Variants in ZNRF1 observed in about 807,000 individuals in gnomAD.
ZNRF1 encodes the protein E3 ubiquitin-protein ligase ZNRF1.
Under a neutral mutation model 18.4 loss-of-function variants are expected in ZNRF1, and 3 were observed. That is an observed-to-expected ratio of 0.16 (90% CI 0.07 to 0.42). The LOEUF is 0.42. ZNRF1 is among the 10% of genes least tolerant of loss of function. ZNRF1 has a pLI of 0.99. For missense variants in ZNRF1, 310 were observed against 329.8 expected, an observed-to-expected ratio of 0.94 and a Z score of 0.47; for synonymous variants, 157 against 144.2, an observed-to-expected ratio of 1.09 and a Z score of -0.64.
chr16:75,026,019 A>G (rs1256175521), intron 1 of ZNRF1, among the ~76,000 whole-genome samples: 3 of 152,156 alleles, frequency 2.0e-5, no homozygotes, highest in Non-Finnish European at 4.4e-5. Flanking sequence ...AGGCCTATAC[A>G]TCTGTCTGGG....
At chr16:75,052,038 C>T (rs1180769720) in intron 1 of ZNRF1, among the ~76,000 whole-genome samples, 1 of 152,184 alleles carries the variant, frequency 6.6e-6, no homozygotes, top group Non-Finnish European at 1.5e-5. Flanking sequence ...GAAATGTACA[C>T]ATTTTAAGTA....
In ZNRF1 at chr16:75,040,822, G is replaced by A. The variant is rs145509373; in HGVS notation, c.424+40727G>A. ...GGGGTTTCATCACGTTGGCCAGGCTGGTCTCGAACTCCTGACCTCAGGTGA... is the reference window on the plus strand; with the variant it reads ...GGGGTTTCATCACGTTGGCCAGGCTAGTCTCGAACTCCTGACCTCAGGTGA... On this transcript the variant is annotated intron_variant, in intron 1 of 4. Coordinates refer to ENST00000335325, the MANE Select transcript of ZNRF1 (RefSeq NM_032268.5). 1.3e-3 allele frequency among the ~76,000 whole-genome samples: 195 copies of A among 151,808 alleles called. 2 individuals are homozygous for A. Among genetic ancestry groups the A allele is most frequent in the Non-Finnish European group, 2.3e-3 (158 of 67,918 alleles).
chr16:75,077,065 A>G (rs2035947934), intron 1 of ZNRF1, among the ~76,000 whole-genome samples: 1 of 152,168 alleles, frequency 6.6e-6, no homozygotes, highest in African/African-American at 2.4e-5. Flanking sequence ...CATAATTTTC[A>G]GCAGAGCCAG....
intron 1 of ZNRF1, among the ~76,000 whole-genome samples, chr16:75,020,266 C>T (rs1242149547): frequency 6.6e-6 from 1 of 151,892 alleles, no homozygotes; most frequent in East Asian, 1.9e-4. Flanking sequence ...TTTCTTATCC[C>T]TTTTCTTTTT....
At chr16:75,058,316 C>T (rs2035694557) in intron 1 of ZNRF1, among the ~76,000 whole-genome samples, 1 of 151,930 alleles carries the variant, frequency 6.6e-6, no homozygotes, top group East Asian at 1.9e-4. Context: ...TGTGGCTGGT[C>T]CCTTGAGGTG....
rs376499317 is a variant in ZNRF1 at position 75,050,082 on chromosome 16, T to C, written c.425-43490T>C. 4.7e-4 allele frequency among the ~76,000 whole-genome samples: 71 copies of C among 152,336 alleles called. No homozygotes were observed. The South Asian group carries it at 0.011, about 24-fold the overall frequency. ...CAGTAATGCTATATAAATGGAATCA[T>C]AGGGCATGTAATCCTTGGGATTGGC... is the stretch of plus-strand genomic sequence containing the variant. On this transcript the variant is annotated intron_variant, in intron 1 of 4. Coordinates refer to ENST00000335325, the MANE Select transcript of ZNRF1 (RefSeq NM_032268.5).
intron 1 of ZNRF1, among the ~76,000 whole-genome samples, chr16:75,010,711 G>GTT (rs67210395): frequency 0.051 from 3,763 of 74,356 alleles, 274 homozygotes; most frequent in East Asian, 0.23. Context: ...GTTTTTTTTT[G>GTT]TTTTTTTGTT....
rs2036366454 is a variant in ZNRF1 at position 75,110,228 on chromosome 16, G to A, written c.*2528G>A. The A allele has an allele frequency of 1.3e-5, 2 of 152,464 alleles. No homozygotes were observed. The highest frequency in any genetic ancestry group is 1.3e-4 in the Admixed American group (2 of 15,292). 9.4% of individuals were successfully genotyped at this position (152,464 alleles called of 1,614,324 possible). A position where few individuals can be genotyped will look rare whatever the true frequency, so the allele number is the denominator to read the frequency against. On this transcript the variant is annotated 3_prime_UTR_variant, in exon 5 of 5. Coordinates refer to ENST00000335325, the MANE Select transcript of ZNRF1 (RefSeq NM_032268.5). ...GACCCAGGTTGCCTGCTCTTGTTGT[G>A]GGGGTGGGATTGGGGCTGTCTGTGT... is the stretch of plus-strand genomic sequence containing the variant.
intron 1 of ZNRF1, among the ~76,000 whole-genome samples, chr16:75,018,992 C>T (rs548212351): frequency 5.9e-5 from 9 of 152,000 alleles, no homozygotes; most frequent in Non-Finnish European, 1.2e-4. Context: ...ATGATGAAAC[C>T]CTGTCTCTAC....
chr16:75,108,449 T>A lies in ZNRF1; in HGVS notation c.*749T>A. The A allele has an allele frequency of 1.3e-5, 5 of 397,240 alleles. No homozygotes were observed. The highest frequency in any genetic ancestry group is 1.3e-5 in the Non-Finnish European group (3 of 225,446). 24.6% of individuals were successfully genotyped at this position (397,240 alleles called of 1,614,324 possible). A position where few individuals can be genotyped will look rare whatever the true frequency, so the allele number is the denominator to read the frequency against. On this transcript the variant is annotated 3_prime_UTR_variant, in exon 5 of 5. Transcript: ENST00000335325. ...TATTCTTAGGCCCTCGTGGATTTTT[T>A]TTTTCAGAAAACTTAAACAAAAAAA...
At chr16:75,016,242 T>A (rs2035066228) in intron 1 of ZNRF1, among the ~76,000 whole-genome samples, 1 of 151,174 alleles carries the variant, frequency 6.6e-6, no homozygotes. Flanking sequence ...CTTTTATTTT[T>A]ATTTTTTTAT....
chr16:75,020,862 A>G (rs2035137877), intron 1 of ZNRF1, among the ~76,000 whole-genome samples: 1 of 151,604 alleles, frequency 6.6e-6, no homozygotes, highest in Non-Finnish European at 1.5e-5. Context: ...TTTCTTAGAA[A>G]GGGTTTCATT....
At position 75,014,416 on chromosome 16, in the gene ZNRF1, T is replaced by G. The variant is rs371701849; in HGVS notation, c.424+14321T>G. Among the ~76,000 whole-genome samples the G allele has an allele frequency of 9.2e-5, 14 of 152,180 alleles. 2 individuals are homozygous for G. The highest frequency in any genetic ancestry group is 7.7e-4 in the East Asian group (4 of 5,182). On this transcript the variant is annotated intron_variant, in intron 1 of 4. Coordinates refer to ENST00000335325, the MANE Select transcript of ZNRF1 (RefSeq NM_032268.5). ...ATGGAAGGAGAAAGATATTATGAGGTGTGTGTGTGTATATATGCTACCTCA... is the reference window on the plus strand; with the variant it reads ...ATGGAAGGAGAAAGATATTATGAGGGGTGTGTGTGTATATATGCTACCTCA...
intron 1 of ZNRF1, among the ~76,000 whole-genome samples, chr16:75,018,471 T>C (rs911149908): frequency 6.6e-6 from 1 of 152,202 alleles, no homozygotes; most frequent in Non-Finnish European, 1.5e-5. Context: ...CGTATTAGAA[T>C]CTATGATCAT....
intron 1 of ZNRF1, among the ~76,000 whole-genome samples, chr16:75,030,624 C>T (rs948240714): frequency 6.6e-6 from 1 of 151,976 alleles, no homozygotes; most frequent in East Asian, 1.9e-4. Flanking sequence ...AAAAGAAACC[C>T]CATAACCATT....
chr16:75,058,580 T>C (rs2035698248), intron 1 of ZNRF1, among the ~76,000 whole-genome samples: 1 of 152,072 alleles, frequency 6.6e-6, no homozygotes, highest in Non-Finnish European at 1.5e-5. Flanking sequence ...ATAGTGGGGA[T>C]CAGTTAAAGA....
intron 1 of ZNRF1, among the ~76,000 whole-genome samples, chr16:75,030,681 C>T (rs2035290231): frequency 6.6e-6 from 1 of 152,134 alleles, no homozygotes; most frequent in Non-Finnish European, 1.5e-5. Context: ...AAGACAACCA[C>T]TAATCCACTT....
intron 4 of ZNRF1, chr16:75,106,983 C>T (rs2036324123): frequency 5.2e-6 from 1 of 194,130 alleles, no homozygotes; most frequent in African/African-American, 2.3e-5. Context: ...ATCTCACTCC[C>T]TGTTGCCATA....
At chr16:75,053,995 A>G (rs141012476) in intron 1 of ZNRF1, among the ~76,000 whole-genome samples, 18 of 152,292 alleles carry the variant, frequency 1.2e-4, no homozygotes, top group Admixed American at 2.6e-4. Flanking sequence ...TTTCGTATGA[A>G]CTATGTGTCT....
Sources: allele counts gnomAD v4.1 joint callset (sites outside exome capture counted in the v4.1 genomes callset), GRCh38; gene constraint gnomAD v4.1.1; transcripts MANE v1.5; gene names NCBI Gene and HGNC (gene_info 2026-07-23, HGNC 2026-07-21).